DNAH6: variants seen among roughly 807,000 people sequenced by gnomAD.
The protein encoded by DNAH6 is axonemal beta dynein heavy chain 6.
Under a neutral mutation model 491.4 loss-of-function variants are expected in DNAH6, and 340 were observed. That is an observed-to-expected ratio of 0.69 (90% CI 0.63 to 0.76). The LOEUF (loss-of-function observed/expected upper bound fraction) is 0.76. Among genes scored for constraint, DNAH6 ranks in the 30% least tolerant of loss-of-function variants. The pLI is 0.00. For missense variants in DNAH6, 4,443 were observed against 4,972.2 expected, an observed-to-expected ratio of 0.89 and a Z score of 3.20; for synonymous variants, 1,603 against 1,686.1, an observed-to-expected ratio of 0.95 and a Z score of 1.21.
Position 84,635,287 on chromosome 2 carries a change from T to C in DNAH6, c.4653+646T>C, listed in dbSNP as rs900481361. 1.6e-4 allele frequency among the ~76,000 whole-genome samples: 24 copies of C among 152,212 alleles called. 1 individual carries two copies. Among genetic ancestry groups the C allele is most frequent in the Admixed American group, 9.8e-4 (15 of 15,280 alleles). On this transcript the variant is annotated intron_variant, in intron 30 of 76. Transcript: ENST00000389394. ...GACTATAGTGAGCTACTAAATTGTG[T>C]AAGTCATTATGGTATGTGCTCACAC... is the stretch of plus-strand genomic sequence containing the variant.
At chr2:84,769,325 C>G (rs1375289380) in intron 64 of DNAH6, among the ~76,000 whole-genome samples, 1 of 152,240 alleles carries the variant, frequency 6.6e-6, no homozygotes, top group African/African-American at 2.4e-5. Context: ...CCACCCACTC[C>G]CCTCAGACCT....
intron 26 of DNAH6, among the ~76,000 whole-genome samples, chr2:84,621,950 G>A (rs941248597): frequency 6.6e-6 from 1 of 152,012 alleles, no homozygotes; most frequent in Non-Finnish European, 1.5e-5. Flanking sequence ...CTGCTGTTTT[G>A]TAAAACTGTC....
chr2:84,766,084 T>G (rs189213799), intron 64 of DNAH6, among the ~76,000 whole-genome samples: 42 of 152,012 alleles, frequency 2.8e-4, no homozygotes, highest in African/African-American at 6.5e-4. Context: ...ATGGAGAAAT[T>G]TATACAAGAA....
intron 72 of DNAH6, among the ~76,000 whole-genome samples, chr2:84,810,887 A>C (rs918457848): frequency 1.3e-5 from 2 of 152,232 alleles, no homozygotes; most frequent in African/African-American, 4.8e-5. Flanking sequence ...AATCGACTGC[A>C]ACATGACCTC....
At chr2:84,700,629 G>A (rs1348620056) in intron 48 of DNAH6, among the ~76,000 whole-genome samples, 1 of 152,184 alleles carries the variant, frequency 6.6e-6, no homozygotes, top group East Asian at 1.9e-4. Flanking sequence ...CACAGTTGCA[G>A]GCATGAAGTA....
intron 61 of DNAH6, among the ~76,000 whole-genome samples, chr2:84,732,089 G>T (rs1226616163): frequency 6.6e-6 from 1 of 152,184 alleles, no homozygotes; most frequent in Admixed American, 6.5e-5. Flanking sequence ...ATGCTGTGCA[G>T]GGGGTGTGGG....
chr2:84,704,957 G>T (rs553866420), intron 51 of DNAH6, among the ~76,000 whole-genome samples: 1 of 152,112 alleles, frequency 6.6e-6, no homozygotes, highest in South Asian at 2.1e-4. Flanking sequence ...CTGGTACCTC[G>T]GTAGGACCCA....
At chr2:84,547,687 T>G in intron 7 of DNAH6, 75 bp downstream of exon 7, 1 of 1,406,186 alleles carries the variant, frequency 7.1e-7, no homozygotes, top group East Asian at 2.5e-5. Context: ...TATTTGACTT[T>G]TCTTAAGTTT....
intron 67 of DNAH6, 39 bp downstream of exon 67, chr2:84,785,795 G>C (rs1677120066): frequency 6.9e-7 from 1 of 1,440,450 alleles, no homozygotes; most frequent in Non-Finnish European, 9.2e-7. Context: ...ACAAGGAAGT[G>C]TATTATGAAA....
intron 38 of DNAH6, 124 bp from the exon 39 acceptor site, chr2:84,670,204 C>T (rs1692595124): frequency 6.3e-6 from 4 of 630,528 alleles, no homozygotes; most frequent in South Asian, 4.9e-5. Context: ...AGAAAGCAGA[C>T]ATTTCAATCT....
chr2:84,634,686 T>C, intron 30 of DNAH6, 45 bp downstream of exon 30: 1 of 1,450,826 alleles, frequency 6.9e-7, no homozygotes, highest in African/African-American at 1.5e-5. Context: ...ATCCTTAAAT[T>C]TGTCATTAAC....
chr2:84,529,151 A>G lies in DNAH6; in HGVS notation c.647A>G (p.Asp216Gly), dbSNP rs1382075080. 3.9e-6 allele frequency: 6 copies of G among 1,545,950 alleles called. No homozygotes were observed. In the South Asian group the frequency reaches 4.8e-5, roughly 12 times the overall value. ...GTGCCAAGATCATCCATTGAATATG[A>G]TACATATAATCTAAAGTGAGTTATT... ...PAVPRSSIEY[D>G]TYNLKVVSYE... Residue 216 changes from aspartate (D) to glycine (G), a missense_variant, in exon 4 of 77, where the codon GAT becomes GGT. This residue lies in a region of DNAH6 where 2,977 missense variants were observed against 3,296.6 expected (regional missense o/e 0.90). Transcript: ENST00000389394.
intron 10 of DNAH6, among the ~76,000 whole-genome samples, chr2:84,555,902 C>T (rs1229271133): frequency 6.6e-6 from 1 of 152,176 alleles, no homozygotes; most frequent in East Asian, 1.9e-4. Flanking sequence ...TGCCACTCCT[C>T]TCCATCGGGA....
chr2:84,620,812 A>G (rs960638899), intron 24 of DNAH6, among the ~76,000 whole-genome samples: 2 of 152,212 alleles, frequency 1.3e-5, no homozygotes, highest in African/African-American at 4.8e-5. Context: ...AAGCCATTGG[A>G]AGTCCAAAAA....
At chr2:84,598,153 T>C (rs1325443473) in intron 18 of DNAH6, among the ~76,000 whole-genome samples, 1 of 63,200 alleles carries the variant, frequency 1.6e-5, no homozygotes, top group Admixed American at 2.4e-4. Context: ...CTTTCTTTCT[T>C]TCTTTCTTTC....
At chr2:84,576,542 T>A (rs1171572281) in intron 12 of DNAH6, among the ~76,000 whole-genome samples, 4 of 151,926 alleles carry the variant, frequency 2.6e-5, no homozygotes, top group African/African-American at 9.7e-5. Context: ...TTAGCTAAAT[T>A]TTTAGAGGCC....
rs754139656 is a variant in DNAH6 at position 84,573,448 on chromosome 2, G to A, written c.1804-19G>A. ...AACAAAAATATGGTCATATTTGTCT[G>A]CTTATTTATAACATTTAGGAAACCA... On this transcript the variant is annotated intron_variant, in intron 11 of 76. Coordinates refer to ENST00000389394, the MANE Select transcript of DNAH6 (RefSeq NM_001370.2). 3.2e-6 allele frequency: 5 copies of A among 1,561,328 alleles called. No homozygotes were observed. The highest frequency in any genetic ancestry group is 3.4e-6 in the Non-Finnish European group (4 of 1,161,686).
chr2:84,549,517 T>C (rs1679117377), intron 8 of DNAH6, among the ~76,000 whole-genome samples: 1 of 152,250 alleles, frequency 6.6e-6, no homozygotes. Context: ...ACTATTAGAA[T>C]GCAAGTTACA....
In DNAH6 at chr2:84,654,673, G is replaced by A. The variant is rs1004422421; in HGVS notation, c.5648G>A (p.Arg1883Gln). ...IHMLFEVQDLRVASPATVSRC... is the reference protein window; with the variant it reads ...IHMLFEVQDLQVASPATVSRC... ...CTTCAACTTTAGGTGCAAGATCTGC[G>A]GGTTGCCTCCCCTGCAACAGTCAGT... The change falls in exon 35 of 77, where the codon CGG becomes CAG. Residue 1883 changes from arginine to glutamine, a missense_variant. Transcript: ENST00000389394. The A allele has an allele frequency of 2.5e-5, 38 of 1,550,546 alleles. No homozygotes were observed. The highest frequency in any genetic ancestry group is 5.5e-5 in the African/African-American group (4 of 72,922).
Sources: allele counts gnomAD v4.1 joint callset (sites outside exome capture counted in the v4.1 genomes callset), GRCh38; gene constraint gnomAD v4.1.1; regional missense constraint gnomAD v4.1.1; transcripts MANE v1.5; gene names NCBI Gene and HGNC (gene_info 2026-07-23, HGNC 2026-07-21).